CSNK1G1: variants seen among roughly 807,000 people sequenced by gnomAD.
CSNK1G1 encodes casein kinase I isoform gamma-1.
A neutral mutation model predicts 59.6 loss-of-function variants in CSNK1G1; 22 were observed. The ratio of observed to expected loss-of-function variants is 0.37; its 90% CI spans 0.26 to 0.53. The LOEUF (loss-of-function observed/expected upper bound fraction) is 0.53, where lower values mean the gene tolerates loss of function less well. Ranked by LOEUF, CSNK1G1 falls within the 20% of genes least tolerant of loss-of-function variation. The pLI, the probability that CSNK1G1 is intolerant of heterozygous loss-of-function variation, is 0.89. For synonymous variants in CSNK1G1, 179 were observed against 177.1 expected (o/e 1.01, Z -0.08); for missense variants, 384 against 519.5 (o/e 0.74, Z 2.54).
chr15:64,204,681 T>G (rs980860327), intron 8 of CSNK1G1, 92 bp from the exon 9 acceptor site: 1 of 1,370,416 alleles, frequency 7.3e-7, no homozygotes, highest in African/African-American at 1.5e-5. Flanking sequence ...GGGTTATTTA[T>G]ACAGACAATT....
In CSNK1G1 at chr15:64,251,564, A is replaced by T; in HGVS notation, c.240T>A (p.Arg80=). 2 of 1,612,750 alleles carry T rather than the reference A, an allele frequency of 1.2e-6. No individual in the cohort carries two copies. Among genetic ancestry groups the T allele is most frequent in the Non-Finnish European group, 1.7e-6 (2 of 1,179,126 alleles). Residue 80 remains arginine (R), a synonymous_variant, in exon 4 of 12, where the codon CGT becomes CGA. Coordinates refer to ENST00000303052, the MANE Select transcript of CSNK1G1 (RefSeq NM_022048.5). Reference sequence around the variant, plus strand: ...TGTACTCTAAATGAAGCTGTGGAGCACGTGATTTTATTGGTTCCTGAAATC... The same window carrying T: ...TGTACTCTAAATGAAGCTGTGGAGCTCGTGATTTTATTGGTTCCTGAAATC... ...VAIKLEPIKS[R]APQLHLEYRF...
In CSNK1G1 at chr15:64,166,863, ATGG is replaced by A. The variant is rs2140189335; in HGVS notation, c.*5065_*5067del. The stretch of plus-strand genomic sequence containing the variant: ...AATCCTCTGCTCTGAGACCTTATAG[ATGG>A]TGATGGCACTGGGAAAGTGATTGTG... On this transcript the variant is annotated 3_prime_UTR_variant, in exon 12 of 12. Transcript: ENST00000303052. The surrounding 1 kb of genome is among the most constrained non-coding windows in gnomAD (Gnocchi z 4.5). The A allele has an allele frequency of 6.5e-6, 1 of 152,758 alleles. No individual in the cohort carries two copies. Among genetic ancestry groups the A allele is most frequent in the East Asian group, 1.9e-4 (1 of 5,188 alleles). 9.5% of individuals were successfully genotyped at this position (152,758 alleles called of 1,614,324 possible). A position where few individuals can be genotyped will look rare whatever the true frequency, so the allele number is the denominator to read the frequency against.
At chr15:64,308,584 TC>T (rs1227955872) in intron 1 of CSNK1G1, among the ~76,000 whole-genome samples, 16 of 152,114 alleles carry the variant, frequency 1.1e-4, no homozygotes, top group Non-Finnish European at 4.4e-5. Flanking sequence ...CTTCCAGTCT[TC>T]CGACTTCCTT....
intron 1 of CSNK1G1, among the ~76,000 whole-genome samples, chr15:64,308,270 A>T (rs548196727): frequency 6.6e-6 from 1 of 151,998 alleles, no homozygotes; most frequent in South Asian, 2.1e-4. Context: ...TTTGTTTATT[A>T]TATTTTTTTG....
intron 1 of CSNK1G1, among the ~76,000 whole-genome samples, chr15:64,303,613 G>A (rs28556725): frequency 0.041 from 6,178 of 152,086 alleles, 390 homozygotes; most frequent in African/African-American, 0.14. Flanking sequence ...TTAGCCAGGC[G>A]TGGTTGTGCA....
intron 1 of CSNK1G1, among the ~76,000 whole-genome samples, chr15:64,303,753 G>GA (rs66734118): frequency 0.014 from 1,560 of 113,980 alleles, 19 homozygotes; most frequent in East Asian, 0.061. Flanking sequence ...CCCGTCTCAA[G>GA]AAAAAAAAAA....
At chr15:64,266,812 T>C (rs867075541) in intron 2 of CSNK1G1, among the ~76,000 whole-genome samples, 5 of 152,126 alleles carry the variant, frequency 3.3e-5, no homozygotes, top group Non-Finnish European at 7.4e-5. Flanking sequence ...TATTCACACA[T>C]AGAAGGAAGA....
At chr15:64,248,753 G>T (rs1035819013) in intron 4 of CSNK1G1, among the ~76,000 whole-genome samples, 2 of 152,174 alleles carry the variant, frequency 1.3e-5, no homozygotes, top group African/African-American at 4.8e-5. Flanking sequence ...GAGAGGGCGA[G>T]GCAGGCAGAT....
intron 4 of CSNK1G1, among the ~76,000 whole-genome samples, chr15:64,223,904 C>T (rs1318929581): frequency 6.6e-6 from 1 of 152,070 alleles, no homozygotes; most frequent in Non-Finnish European, 1.5e-5. Context: ...TCAAATACAC[C>T]AATTCAAGGA....
At chr15:64,279,651 G>A (rs948145074) in intron 2 of CSNK1G1, among the ~76,000 whole-genome samples, 2 of 152,060 alleles carry the variant, frequency 1.3e-5, no homozygotes, top group Admixed American at 6.6e-5. Flanking sequence ...ACCCAGAGTG[G>A]AATTTCTGGA....
At chr15:64,255,925 G>A (rs890615665) in intron 3 of CSNK1G1, among the ~76,000 whole-genome samples, 4 of 152,130 alleles carry the variant, frequency 2.6e-5, no homozygotes, top group Non-Finnish European at 2.9e-5. Context: ...TATAAAATCA[G>A]CAATCATTAG....
chr15:64,205,032 T>A (rs2082158650), intron 7 of CSNK1G1, 83 bp from the exon 8 acceptor site: 3 of 757,026 alleles, frequency 4.0e-6, no homozygotes, highest in Non-Finnish European at 6.5e-6. Context: ...ACAATGGTTG[T>A]TTCACTCAAA....
chr15:64,194,656 AC>A (rs2082017824), intron 10 of CSNK1G1, among the ~76,000 whole-genome samples: 2 of 151,656 alleles, frequency 1.3e-5, no homozygotes, highest in Non-Finnish European at 2.9e-5. Flanking sequence ...AGCTGGGATT[AC>A]AGGCATGAGC....
chr15:64,185,698 T>C (rs2081883011), intron 10 of CSNK1G1, among the ~76,000 whole-genome samples: 1 of 151,912 alleles, frequency 6.6e-6, no homozygotes, highest in Non-Finnish European at 1.5e-5. Context: ...AACCCATCTC[T>C]ACTAAATATC....
chr15:64,304,826 T>C (rs1745287612), intron 1 of CSNK1G1, among the ~76,000 whole-genome samples: 1 of 152,190 alleles, frequency 6.6e-6, no homozygotes, highest in Admixed American at 6.5e-5. Context: ...ACACAACTTA[T>C]GATGAAATTG....
intron 1 of CSNK1G1, among the ~76,000 whole-genome samples, chr15:64,304,674 T>C (rs1400970645): frequency 6.6e-6 from 1 of 152,196 alleles, no homozygotes; most frequent in African/African-American, 2.4e-5. Context: ...TTCACTAATT[T>C]ACTGTTTGTA....
intron 2 of CSNK1G1, among the ~76,000 whole-genome samples, chr15:64,294,305 C>T (rs1242607170): frequency 1.3e-5 from 2 of 152,054 alleles, no homozygotes; most frequent in African/African-American, 4.8e-5. Context: ...AACTCCTGAT[C>T]TCAGGTGATC....
intron 1 of CSNK1G1, among the ~76,000 whole-genome samples, chr15:64,307,218 T>C (rs1255481407): frequency 6.6e-6 from 1 of 151,914 alleles, no homozygotes; most frequent in Non-Finnish European, 1.5e-5. Context: ...ACATTAATAA[T>C]AGGGGAAAAC....
chr15:64,314,565 TAAA>T (rs34630204), intron 1 of CSNK1G1, among the ~76,000 whole-genome samples: 3 of 130,616 alleles, frequency 2.3e-5, no homozygotes, highest in Non-Finnish European at 5.0e-5. Flanking sequence ...ACCACAGAAT[TAAA>T]AAAAAAAAAA....
Sources: gnomAD v4.1 joint callset for allele counts (sites outside exome capture counted in the v4.1 genomes callset) on GRCh38, gnomAD v4.1.1 for gene constraint, Gnocchi (gnomAD v3.1) non-coding constraint, MANE v1.5 for transcripts, NCBI Gene and HGNC (gene_info 2026-07-23, HGNC 2026-07-21) for gene names.